CLIC5: variants seen among roughly 807,000 people sequenced by gnomAD.
CLIC5 encodes the protein CLIC family member 5, also known as chloride intracellular channel protein 5.
A neutral mutation model predicts 24.7 loss-of-function variants in CLIC5; 20 were observed. That is an observed-to-expected ratio of 0.81 (90% confidence interval 0.57 to 1.18). The LOEUF is 1.18. CLIC5 is among the 50% of genes most tolerant of loss of function. The probability of loss-of-function intolerance (pLI) is 0.00; values close to 1 mark genes in which losing one functional copy is unlikely to be tolerated. For missense variants in CLIC5, 341 were observed against 326.1 expected, an observed-to-expected ratio of 1.05 and a Z score of -0.35; for synonymous variants, 159 against 135.6, an observed-to-expected ratio of 1.17 and a Z score of -1.20.
intron 6 of CLIC5, among the ~76,000 whole-genome samples, chr6:45,883,138 C>T (rs1314270919): frequency 1.3e-5 from 2 of 152,130 alleles, no homozygotes; most frequent in African/African-American, 4.8e-5. Context: ...GGGCTTGTTT[C>T]AGATCAGTGT....
chr6:46,109,552 G>GATGCGTTC, the CLIC5 span, among the ~76,000 whole-genome samples: 1 of 126,540 alleles, frequency 7.9e-6, no homozygotes, highest in Non-Finnish European at 1.6e-5. Context: ...AAAAAAAGCT[G>GATGCGTTC]ATGCGTTCAT....
chr6:45,931,211 A>G (rs962746511), intron 4 of CLIC5, among the ~76,000 whole-genome samples: 1 of 152,192 alleles, frequency 6.6e-6, no homozygotes, highest in Non-Finnish European at 1.5e-5. Context: ...GGTAGAGGCT[A>G]TGTAGCTTGC....
chr6:45,936,196 C>CT (rs60969238), intron 4 of CLIC5, among the ~76,000 whole-genome samples: 4,986 of 80,274 alleles, frequency 0.062, 297 homozygotes, highest in South Asian at 0.1. Context: ...CAACGGCTGA[C>CT]TTTTTTTTTT....
chr6:45,903,704 A>G (rs1762572228), intron 5 of CLIC5, among the ~76,000 whole-genome samples: 1 of 152,236 alleles, frequency 6.6e-6, no homozygotes, highest in African/African-American at 2.4e-5. Context: ...ACTCTCCAAG[A>G]TAGACTATTA....
upstream of CLIC5, among the ~76,000 whole-genome samples, chr6:46,017,086 G>A (rs1473184818): frequency 6.6e-6 from 1 of 152,158 alleles, no homozygotes; most frequent in Non-Finnish European, 1.5e-5. Flanking sequence ...TAGTGTATAA[G>A]AATGCTCTCC....
chr6:46,034,665 C>T (rs2127457544), intron 1 of CLIC5, among the ~76,000 whole-genome samples: 1 of 152,302 alleles, frequency 6.6e-6, no homozygotes, highest in Non-Finnish European at 1.5e-5. Flanking sequence ...CTGTCAAATC[C>T]CCTCAGCCCA....
intron 1 of CLIC5, among the ~76,000 whole-genome samples, chr6:46,061,282 C>T (rs182542660): frequency 3.8e-4 from 58 of 152,222 alleles, no homozygotes; most frequent in Non-Finnish European, 6.3e-4. Context: ...CTCTGTCTCC[C>T]GGGTTCAAGC....
the CLIC5 span, among the ~76,000 whole-genome samples, chr6:46,111,446 T>C: frequency 6.6e-6 from 1 of 152,212 alleles, no homozygotes; most frequent in Admixed American, 6.5e-5. Flanking sequence ...AAATACCTCT[T>C]ACTAAAGATG....
intron 1 of CLIC5, among the ~76,000 whole-genome samples, chr6:46,072,075 G>A (rs561139150): frequency 1.4e-4 from 22 of 152,094 alleles, no homozygotes; most frequent in African/African-American, 5.3e-4. Context: ...CACACACTGG[G>A]GCCTATCGGA....
At position 46,044,781 on chromosome 6, in the gene CLIC5, A is replaced by C. The variant is rs896537682; in HGVS notation, c.540+34922T>G. Among the ~76,000 whole-genome samples, 5 of 152,232 alleles carry C rather than the reference A, an allele frequency of 3.3e-5. No homozygotes were observed. The South Asian group carries it at 1.0e-3, about 32-fold the overall frequency. On this transcript the variant is annotated intron_variant, in intron 1 of 5. Coordinates refer to the CLIC5 transcript ENST00000185206. ...TACTTGTAGGATTATAACACAATTA[A>C]TGAAAGTTACAATCTAAACTATATC...
upstream of CLIC5, among the ~76,000 whole-genome samples, chr6:46,082,261 A>G (rs907188353): frequency 2.6e-5 from 4 of 152,238 alleles, no homozygotes; most frequent in African/African-American, 9.6e-5. Context: ...GGCAGGGCTG[A>G]GGTTGGCTAA....
chr6:46,021,434 C>G (rs969331280), intron 1 of CLIC5, among the ~76,000 whole-genome samples: 1 of 151,998 alleles, frequency 6.6e-6, no homozygotes, highest in Non-Finnish European at 1.5e-5. Context: ...GGGTATTATC[C>G]AAGAGAAATG....
intron 5 of CLIC5, among the ~76,000 whole-genome samples, chr6:45,906,723 C>T (rs1474671136): frequency 5.9e-5 from 9 of 152,060 alleles, no homozygotes; most frequent in Admixed American, 2.6e-4. Flanking sequence ...CCACCATGCC[C>T]AGCTAATTTT....
intron 4 of CLIC5, chr6:45,914,636 T>G: frequency 1.2e-6 from 1 of 828,118 alleles, no homozygotes; most frequent in Non-Finnish European, 1.6e-6. Flanking sequence ...AGCTAATCTT[T>G]TGCTTTGAAA....
chr6:45,931,738 G>C (rs772383616), intron 4 of CLIC5, among the ~76,000 whole-genome samples: 1 of 152,050 alleles, frequency 6.6e-6, no homozygotes, highest in African/African-American at 2.4e-5. Flanking sequence ...GGCTCACTGC[G>C]ACCTCTGCCT....
intron 1 of CLIC5, among the ~76,000 whole-genome samples, chr6:45,960,858 A>G (rs1764822531): frequency 6.6e-6 from 1 of 152,186 alleles, no homozygotes; most frequent in Admixed American, 6.5e-5. Context: ...GGCCTGATCA[A>G]ACCAGTGAGT....
At chr6:45,975,377 C>T (rs1386440623) in intron 1 of CLIC5, among the ~76,000 whole-genome samples, 2 of 152,184 alleles carry the variant, frequency 1.3e-5, no homozygotes, top group Non-Finnish European at 2.9e-5. Context: ...TAACCAGATC[C>T]TAAAGTGATG....
intron 1 of CLIC5, among the ~76,000 whole-genome samples, chr6:45,980,129 T>C (rs1284871372): frequency 6.6e-6 from 1 of 152,140 alleles, no homozygotes; most frequent in Non-Finnish European, 1.5e-5. Flanking sequence ...GCCAGCCTGT[T>C]ATCCCAGCAC....
intron 1 of CLIC5, among the ~76,000 whole-genome samples, chr6:46,039,669 A>T (rs183621886): frequency 2.6e-5 from 4 of 152,304 alleles, no homozygotes; most frequent in Admixed American, 1.3e-4. Flanking sequence ...AGGGATTGTA[A>T]GGAAGTTAAA....
Sources: gnomAD v4.1 joint callset for allele counts (sites outside exome capture counted in the v4.1 genomes callset) on GRCh38, gnomAD v4.1.1 for gene constraint, MANE v1.5 for transcripts, NCBI Gene and HGNC (gene_info 2026-07-23, HGNC 2026-07-21) for gene names.